The following HMGN3 variants were observed in gnomAD, a reference collection of about 807,000 sequenced individuals.
HMGN3 encodes the protein high mobility group nucleosome-binding domain-containing protein 3.
Under a neutral mutation model 18.8 loss-of-function variants are expected in HMGN3, and 6 were observed. The ratio of observed to expected loss-of-function variants is 0.32; its 90% CI spans 0.18 to 0.63. HMGN3 has a LOEUF of 0.63. HMGN3 is among the 30% of genes least tolerant of loss of function. The pLI is 0.79. For synonymous variants in HMGN3, 40 were observed against 36.5 expected, an observed-to-expected ratio of 1.10 and a Z score of -0.35; for missense variants, 107 against 114.2, an observed-to-expected ratio of 0.94 and a Z score of 0.29.
At chr6:79,213,550 A>G (rs1046304143) in intron 2 of HMGN3, among the ~76,000 whole-genome samples, 4 of 152,244 alleles carry the variant, frequency 2.6e-5, no homozygotes, top group South Asian at 2.1e-4. Context: ...CCATTTCCCA[A>G]GAAAATTCAA....
At chr6:79,207,612 CCTT>C (rs1776484737) in intron 3 of HMGN3, among the ~76,000 whole-genome samples, 4 of 152,174 alleles carry the variant, frequency 2.6e-5, no homozygotes, top group Admixed American at 2.6e-4. Flanking sequence ...TAATATACTT[CCTT>C]ACGAGACTCA....
Position 79,202,568 on chromosome 6 carries a change from T to C in HMGN3, c.148-179A>G, listed in dbSNP as rs143839948. ...TCAACTGAGTTACACTGCACAAATATGAGTCTCTGTGAAAATGTAGTAACA... is the reference window on the plus strand; with the variant it reads ...TCAACTGAGTTACACTGCACAAATACGAGTCTCTGTGAAAATGTAGTAACA... On this transcript the variant is annotated intron_variant, in intron 4 of 5. Transcript: ENST00000344726. Among the ~76,000 whole-genome samples, 635 of 152,310 alleles carry C rather than the reference T, an allele frequency of 4.2e-3. 4 individuals are homozygous for C. The highest frequency in any genetic ancestry group is 0.015 in the African/African-American group (612 of 41,568).
intron 4 of HMGN3, among the ~76,000 whole-genome samples, chr6:79,202,767 G>C (rs1776207620): frequency 6.6e-6 from 1 of 152,288 alleles, no homozygotes; most frequent in Middle Eastern, 3.4e-3. Context: ...ACCCAGCCAG[G>C]GGGTGGCTCT....
chr6:79,218,861 A>G (rs1777127207), intron 1 of HMGN3, among the ~76,000 whole-genome samples: 1 of 152,244 alleles, frequency 6.6e-6, no homozygotes. Flanking sequence ...GGCTCATTGA[A>G]ATAAAAAACT....
intron 2 of HMGN3, among the ~76,000 whole-genome samples, chr6:79,210,279 TCCAATTA>T (rs1248207189): frequency 6.6e-6 from 1 of 152,098 alleles, no homozygotes; most frequent in Non-Finnish European, 1.5e-5. Flanking sequence ...AAGAGCACCT[TCCAATTA>T]CCCAACAGAG....
intron 1 of HMGN3, among the ~76,000 whole-genome samples, chr6:79,230,301 C>T (rs1161206519): frequency 6.6e-6 from 1 of 152,154 alleles, no homozygotes. Context: ...TGGCTATAAA[C>T]TCCATGAGGG....
In HMGN3 at chr6:79,202,062, C is replaced by T. The variant is rs1201152687; in HGVS notation, c.261+214G>A. 3 of 1,536,892 alleles carry T rather than the reference C, an allele frequency of 2.0e-6. No homozygotes were observed. The highest frequency in any genetic ancestry group is 2.6e-6 in the Non-Finnish European group (3 of 1,146,990). On this transcript the variant is annotated intron_variant, in intron 5 of 5. Transcript: ENST00000344726. ...GCAGAATTTTCTACTGTACCCTTAA[C>T]TCTCACTGTTTCAATCTGCCCCTTT...
At chr6:79,232,108 T>C (rs760241104) in intron 1 of HMGN3, among the ~76,000 whole-genome samples, 5 of 152,204 alleles carry the variant, frequency 3.3e-5, no homozygotes, top group Non-Finnish European at 4.4e-5. Context: ...TAAAAGCTTA[T>C]TATATTGTAG....
intron 3 of HMGN3, among the ~76,000 whole-genome samples, chr6:79,207,321 G>A (rs781750199): frequency 4.3e-4 from 66 of 152,178 alleles, no homozygotes; most frequent in Non-Finnish European, 1.8e-4. Flanking sequence ...GGAGGAACCT[G>A]GTGGGATGTG....
At chr6:79,229,699 A>AACCC (rs1478628628) in intron 1 of HMGN3, among the ~76,000 whole-genome samples, 2 of 152,152 alleles carry the variant, frequency 1.3e-5, no homozygotes, top group African/African-American at 4.8e-5. Context: ...AACACGGTGA[A>AACCC]ACCCCGTGTA....
intron 2 of HMGN3, among the ~76,000 whole-genome samples, chr6:79,209,889 C>T (rs1014857338): frequency 6.6e-6 from 1 of 152,148 alleles, no homozygotes; most frequent in Non-Finnish European, 1.5e-5. Flanking sequence ...CCTGGAGTCT[C>T]GAAGAAAGAT....
chr6:79,233,213 T>C lies in HMGN3; in HGVS notation c.15+1333A>G, dbSNP rs1777945686. Among the ~76,000 whole-genome samples, 5 of 152,194 alleles carry C rather than the reference T, an allele frequency of 3.3e-5. No individual in the cohort carries two copies. In the South Asian group the frequency reaches 1.0e-3, roughly 32 times the overall value. ...TGGGGGTAACACCGCTCAAGCTGTT[T>C]TCAGGATTAAATGAGATAATGCAAG... On this transcript the variant is annotated intron_variant, in intron 1 of 5. Transcript: ENST00000344726.
chr6:79,227,615 A>C (rs926275079), intron 1 of HMGN3, among the ~76,000 whole-genome samples: 3 of 152,236 alleles, frequency 2.0e-5, no homozygotes, highest in African/African-American at 7.2e-5. Context: ...TCAACGAAAC[A>C]GAGCATATCA....
At chr6:79,233,188 TG>T (rs1777942649) in intron 1 of HMGN3, among the ~76,000 whole-genome samples, 1 of 152,194 alleles carries the variant, frequency 6.6e-6, no homozygotes, top group Admixed American at 6.5e-5. Context: ...CCCAGCTGAA[TG>T]GGGGTAACAC....
intron 3 of HMGN3, 83 bp downstream of exon 3, chr6:79,208,464 A>T: frequency 8.7e-7 from 1 of 1,152,162 alleles, no homozygotes; most frequent in South Asian, 1.3e-5. Flanking sequence ...AAACCATGTT[A>T]ATCTTCCTTT....
At chr6:79,234,682 C>A (rs1158295760) in exon 1 of HMGN3, 2 of 857,532 alleles carry the variant, frequency 2.3e-6, no homozygotes, top group Non-Finnish European at 3.7e-6. Flanking sequence ...CCGGCCTCTT[C>A]GACCTGCACC....
intron 1 of HMGN3, among the ~76,000 whole-genome samples, chr6:79,220,459 T>C (rs1777217740): frequency 6.6e-6 from 1 of 152,174 alleles, no homozygotes; most frequent in Non-Finnish European, 1.5e-5. Flanking sequence ...CCTTTTTTGT[T>C]TTTTTGAGAC....
At chr6:79,203,693 A>G in intron 3 of HMGN3, 63 bp from the exon 4 acceptor site, 1 of 1,275,302 alleles carries the variant, frequency 7.8e-7, no homozygotes, top group African/African-American at 1.5e-5. Context: ...GCACCAAAAG[A>G]AACACAAAAG....
chr6:79,214,906 CA>C, intron 2 of HMGN3, 65 bp downstream of exon 2: 1 of 886,254 alleles, frequency 1.1e-6, no homozygotes, highest in Non-Finnish European at 1.8e-6. Context: ...CAGATGCAGA[CA>C]ATCCTAACAA....
Sources: gnomAD v4.1 joint callset for allele counts (sites outside exome capture counted in the v4.1 genomes callset) on GRCh38, gnomAD v4.1.1 for gene constraint, MANE v1.5 for transcripts, NCBI Gene and HGNC (gene_info 2026-07-23, HGNC 2026-07-21) for gene names.